The following PCLO variants were observed in gnomAD, a reference collection of about 807,000 sequenced individuals.
The protein encoded by PCLO is protein piccolo.
In PCLO, 82 loss-of-function variants were observed where a neutral mutation model predicts 427.5. The ratio of observed to expected loss-of-function variants is 0.19; its 90% CI spans 0.16 to 0.23. The LOEUF is 0.23. PCLO is among the 10% of genes least tolerant of loss of function. The pLI, the probability that PCLO is intolerant of heterozygous loss-of-function variation, is 1.00. For synonymous variants in PCLO, 2,357 were observed against 2,155.4 expected (o/e 1.09, Z -2.59); for missense variants, 6,239 against 6,115.9 (o/e 1.02, Z -0.67).
chr7:83,093,283 T>C (rs987345754), intron 3 of PCLO, among the ~76,000 whole-genome samples: 1 of 151,538 alleles, frequency 6.6e-6, no homozygotes, highest in East Asian at 1.9e-4. Context: ...TAAATACCAT[T>C]TATCTAACAA....
chr7:82,818,054 A>G (rs1385094318), intron 20 of PCLO, among the ~76,000 whole-genome samples: 1 of 151,746 alleles, frequency 6.6e-6, no homozygotes, highest in Non-Finnish European at 1.5e-5. Flanking sequence ...TTGAAATGGC[A>G]AGGTTTGTGT....
intron 19 of PCLO, among the ~76,000 whole-genome samples, 154 bp from the exon 20 acceptor site, chr7:82,822,843 T>C (rs1237897795): frequency 2.6e-5 from 4 of 152,086 alleles, no homozygotes; most frequent in Admixed American, 1.3e-4. Context: ...AGAATGATGA[T>C]TAAACATCTG....
At chr7:83,131,230 G>A (rs903314786) in intron 3 of PCLO, among the ~76,000 whole-genome samples, 6 of 152,218 alleles carry the variant, frequency 3.9e-5, no homozygotes, top group South Asian at 2.1e-4. Context: ...AGAGGTTAAC[G>A]GATCATATTG....
At chr7:82,936,390 A>G (rs1162372592) in intron 6 of PCLO, among the ~76,000 whole-genome samples, 1 of 151,760 alleles carries the variant, frequency 6.6e-6, no homozygotes, top group Non-Finnish European at 1.5e-5. Context: ...CATAAGAAAC[A>G]TGAATGGCTG....
At chr7:82,820,991 C>A in intron 20 of PCLO, 1 of 1,225,520 alleles carries the variant, frequency 8.2e-7, no homozygotes, top group Non-Finnish European at 1.0e-6. Context: ...GCCATGCCCA[C>A]AAAAGCACAT....
At chr7:83,110,272 T>C (rs1469767213) in intron 3 of PCLO, among the ~76,000 whole-genome samples, 2 of 152,024 alleles carry the variant, frequency 1.3e-5, no homozygotes, top group Non-Finnish European at 1.5e-5. Flanking sequence ...AAGGATGATA[T>C]TAAGATCCGA....
intron 3 of PCLO, among the ~76,000 whole-genome samples, chr7:83,026,644 G>C (rs1161893854): frequency 1.3e-5 from 2 of 151,914 alleles, no homozygotes; most frequent in African/African-American, 4.8e-5. Context: ...CAAATCAACA[G>C]AATATACACT....
At chr7:83,018,780 G>A (rs1327896612) in intron 3 of PCLO, among the ~76,000 whole-genome samples, 3 of 151,884 alleles carry the variant, frequency 2.0e-5, no homozygotes, top group African/African-American at 7.2e-5. Flanking sequence ...ACTCAATTTG[G>A]AAGCTTATTA....
At chr7:82,971,430 G>T (rs1795901301) in intron 3 of PCLO, among the ~76,000 whole-genome samples, 2 of 150,766 alleles carry the variant, frequency 1.3e-5, no homozygotes, top group South Asian at 4.2e-4. Context: ...ATATATATGT[G>T]TGTGTGTGTA....
At chr7:82,896,859 G>GTTC (rs2116159244) in intron 9 of PCLO, among the ~76,000 whole-genome samples, 1 of 151,692 alleles carries the variant, frequency 6.6e-6, no homozygotes, top group African/African-American at 2.4e-5. Flanking sequence ...CATTTTTAGT[G>GTTC]TTCTTCACTA....
intron 6 of PCLO, among the ~76,000 whole-genome samples, chr7:82,941,101 T>TTA (rs398111522): frequency 0.01 from 1,536 of 151,828 alleles, 28 homozygotes; most frequent in African/African-American, 0.036. Context: ...GTTTTTTTTT[T>TTA]AATGCTTTAA....
chr7:82,784,548 C>A (rs1790942696), intron 22 of PCLO, among the ~76,000 whole-genome samples: 2 of 152,314 alleles, frequency 1.3e-5, no homozygotes, highest in South Asian at 4.1e-4. Context: ...TCTGCCAGAA[C>A]CTGTATTTGT....
At chr7:83,054,637 T>C (rs1789334156) in intron 3 of PCLO, among the ~76,000 whole-genome samples, 1 of 152,012 alleles carries the variant, frequency 6.6e-6, no homozygotes, top group African/African-American at 2.4e-5. Flanking sequence ...CAATCCTCCC[T>C]TCTGGACAGG....
At chr7:83,087,342 A>T (rs1271784329) in intron 3 of PCLO, among the ~76,000 whole-genome samples, 1 of 152,014 alleles carries the variant, frequency 6.6e-6, no homozygotes, top group Non-Finnish European at 1.5e-5. Context: ...AAAACTGCAT[A>T]TGGGTACAAC....
intron 22 of PCLO, among the ~76,000 whole-genome samples, chr7:82,787,800 A>T (rs1371405448): frequency 6.6e-6 from 1 of 152,174 alleles, no homozygotes; most frequent in Admixed American, 6.5e-5. Context: ...ATAACACAGC[A>T]GTCTCAACAT....
chr7:83,081,087 T>G (rs948249015), intron 3 of PCLO, among the ~76,000 whole-genome samples: 1 of 152,022 alleles, frequency 6.6e-6, no homozygotes, highest in African/African-American at 2.4e-5. Flanking sequence ...GACTACTGTA[T>G]TATATTGATT....
At chr7:82,973,141 G>T (rs1460193752) in intron 3 of PCLO, among the ~76,000 whole-genome samples, 5 of 151,956 alleles carry the variant, frequency 3.3e-5, no homozygotes, top group Non-Finnish European at 7.4e-5. Context: ...ACAAGATCAG[G>T]ACATTAGAAA....
At chr7:82,778,482 T>A (rs929808322) in intron 22 of PCLO, among the ~76,000 whole-genome samples, 4 of 152,186 alleles carry the variant, frequency 2.6e-5, no homozygotes, top group African/African-American at 7.2e-5. Flanking sequence ...CATTGAATAT[T>A]GTTTTCTTTT....
At chr7:83,131,420 AACC>A (rs915872878) in intron 3 of PCLO, among the ~76,000 whole-genome samples, 2 of 152,068 alleles carry the variant, frequency 1.3e-5, no homozygotes, top group Non-Finnish European at 2.9e-5. Flanking sequence ...GAAAGAGGGA[AACC>A]ATCTACAGCT....
Sources: gnomAD v4.1 joint callset for allele counts (sites outside exome capture counted in the v4.1 genomes callset) on GRCh38, gnomAD v4.1.1 for gene constraint, MANE v1.5 for transcripts, NCBI Gene and HGNC (gene_info 2026-07-23, HGNC 2026-07-21) for gene names.